Variants in HDAC5 observed in about 807,000 individuals in gnomAD.
HDAC5 encodes antigen NY-CO-9.
A neutral mutation model predicts 133.3 loss-of-function variants in HDAC5; 25 were observed. The ratio of observed to expected loss-of-function variants is 0.19; its 90% CI spans 0.14 to 0.26. The LOEUF (loss-of-function observed/expected upper bound fraction) is 0.26, where lower values mean the gene tolerates loss of function less well. Ranked by LOEUF, HDAC5 falls within the 10% of genes least tolerant of loss-of-function variation. HDAC5 has a pLI of 1.00. For missense variants in HDAC5, 1,041 were observed against 1,460.5 expected, an observed-to-expected ratio of 0.71 and a Z score of 4.68; for synonymous variants, 589 against 610.8, an observed-to-expected ratio of 0.96 and a Z score of 0.53.
At chr17:44,112,064 T>A (rs2052379459) in intron 2 of HDAC5, among the ~76,000 whole-genome samples, 1 of 152,064 alleles carries the variant, frequency 6.6e-6, no homozygotes, top group Non-Finnish European at 1.5e-5. Flanking sequence ...TCACCCTAGG[T>A]CATAAAGCTG....
At chr17:44,112,515 C>T (rs1274859067) in intron 2 of HDAC5, among the ~76,000 whole-genome samples, 1 of 152,110 alleles carries the variant, frequency 6.6e-6, no homozygotes, top group Non-Finnish European at 1.5e-5. Context: ...GAGCCCCCTC[C>T]TTGACCCCCA....
chr17:44,080,452 G>A lies in HDAC5; in HGVS notation c.2774C>T (p.Thr925Ile), dbSNP rs749663119. ...TCCAATGGGGGGGTCCACACCTCCT[G>A]TCCATGCCACGTTCACATTGTACCC... Reference protein sequence around the residue: ...GVGYNVNVAWTGGVDPPIGDV... With the variant: ...GVGYNVNVAWIGGVDPPIGDV... The change falls in exon 22 of 27, where the codon ACA becomes ATA. Residue 925 changes from threonine (T) to isoleucine (I), a missense_variant. Thr to Ile is a moderately conservative substitution (Grantham distance 89). Transcript: ENST00000682912. 13 of 1,614,142 alleles carry A rather than the reference G, an allele frequency of 8.1e-6. No individual in the cohort carries two copies. Among genetic ancestry groups the A allele is most frequent in the South Asian group, 6.6e-5 (6 of 91,082 alleles).
intron 11 of HDAC5, among the ~76,000 whole-genome samples, chr17:44,090,710 C>T (rs567259788): frequency 1.1e-3 from 170 of 151,314 alleles, no homozygotes; most frequent in African/African-American, 3.9e-3. Context: ...TTTTTTGAGA[C>T]GGAGTCTCAC....
intron 1 of HDAC5, among the ~76,000 whole-genome samples, chr17:44,122,605 T>C (rs1300105871): frequency 1.3e-5 from 2 of 152,006 alleles, no homozygotes; most frequent in African/African-American, 4.8e-5. Flanking sequence ...CAAGTGGTCA[T>C]CTCCTCTCCC....
intron 1 of HDAC5, among the ~76,000 whole-genome samples, chr17:44,118,604 TC>T (rs1295372132): frequency 6.6e-6 from 1 of 152,002 alleles, no homozygotes; most frequent in African/African-American, 2.4e-5. Context: ...CCTCCAGTTC[TC>T]CCCCACAGTT....
rs73314421 is a variant in HDAC5, at chr17:44,102,389, C to T, written c.94+8340G>A. Among the ~76,000 whole-genome samples the T allele has an allele frequency of 4.8e-3, 734 of 152,318 alleles. 5 individuals are homozygous for T. Among genetic ancestry groups the T allele is most frequent in the African/African-American group, 0.017 (703 of 41,566 alleles). On this transcript the variant is annotated intron_variant, in intron 3 of 26. Transcript: ENST00000682912. ...TTTTTCTTTTTTTCTGACAGAGTCT[C>T]GCTCTGTTGCTAGGCTGGAGTAGTG...
rs1286521857 is a variant in HDAC5, at chr17:44,117,883, G to A, written c.-189-179C>T. Among the ~76,000 whole-genome samples the A allele has an allele frequency of 6.6e-6, 1 of 152,186 alleles. No individual in the cohort carries two copies. Among genetic ancestry groups the A allele is most frequent in the Non-Finnish European group, 1.5e-5 (1 of 68,016 alleles). Reference sequence around the variant, plus strand: ...ACCCTGGTTTCTTATCTTACTAACTGATGAGGCTCCCAGAGCCCAAGGGAT... The same window carrying A: ...ACCCTGGTTTCTTATCTTACTAACTAATGAGGCTCCCAGAGCCCAAGGGAT... On this transcript the variant is annotated intron_variant, in intron 1 of 26. Transcript: ENST00000682912. This position sits in a 1 kb window ranked among gnomAD's most constrained non-coding sequence, Gnocchi z 4.2.
At chr17:44,082,694 A>AG (rs2050452874) in intron 19 of HDAC5, 22 bp from the exon 20 acceptor site, 1 of 1,612,560 alleles carries the variant, frequency 6.2e-7, no homozygotes, top group East Asian at 2.2e-5. Flanking sequence ...AGAAAAGGGC[A>AG]GGAGGTCAGC....
At chr17:44,115,548 C>G (rs552174582) in intron 2 of HDAC5, among the ~76,000 whole-genome samples, 160 of 152,308 alleles carry the variant, frequency 1.1e-3, no homozygotes, top group African/African-American at 3.6e-3. Flanking sequence ...AGACGCTAGG[C>G]CCCTCAGAAA....
chr17:44,123,239 G>A (rs968914476), intron 1 of HDAC5: 9 of 287,378 alleles, frequency 3.1e-5, no homozygotes, highest in African/African-American at 1.6e-4. Flanking sequence ...GCGAGAAGGC[G>A]GGCCCCTCCC....
intron 3 of HDAC5, among the ~76,000 whole-genome samples, chr17:44,102,186 C>T (rs550566052): frequency 6.6e-6 from 1 of 152,298 alleles, no homozygotes; most frequent in South Asian, 2.1e-4. Context: ...TGACATCTAG[C>T]CCAAGCTCCA....
At chr17:44,111,916 C>CA (rs1021639076) in intron 2 of HDAC5, among the ~76,000 whole-genome samples, 8 of 152,160 alleles carry the variant, frequency 5.3e-5, no homozygotes, top group Non-Finnish European at 7.4e-5. Flanking sequence ...TGCTAATTCT[C>CA]AGAGCACAGG....
At chr17:44,087,391 G>C (rs953220787) in intron 13 of HDAC5, 21 bp downstream of exon 13, 6 of 800,360 alleles carry the variant, frequency 7.5e-6, no homozygotes, top group Non-Finnish European at 1.3e-5. Context: ...ACCAAGGACT[G>C]GGACCAGGGA....
chr17:44,123,631 C>A lies in HDAC5; in HGVS notation c.-317G>T. On this transcript the variant is annotated 5_prime_UTR_variant, in exon 1 of 27. Transcript: ENST00000682912. ...CCTCCGGCTCCGCTCGCCGCCGCCA[C>A]CAACAACAACATTCGGAGACGTCAC... The A allele has an allele frequency of 5.0e-6, 2 of 396,674 alleles. No homozygotes were observed. Among genetic ancestry groups the A allele is most frequent in the Non-Finnish European group, 8.9e-6 (2 of 224,822 alleles). The allele number at this position is 396,674 out of a possible 1,614,324, so 24.6% of individuals were successfully genotyped here. A position where few individuals can be genotyped will look rare whatever the true frequency, so the allele number is the denominator to read the frequency against.
Position 44,077,701 on chromosome 17 carries a change from C to A in HDAC5, c.*675G>T, listed in dbSNP as rs754151197. The A allele has an allele frequency of 1.3e-5, 2 of 152,350 alleles. No individual in the cohort carries two copies. The highest frequency in any genetic ancestry group is 1.3e-4 in the Admixed American group (2 of 15,282). The allele number at this position is 152,350 out of a possible 1,614,324, so 9.4% of individuals were successfully genotyped here. ...TCCCCACACACTTTCACCCTCTCAGCCCCGGGGAAGGGGAAGTAGGCTGTG... is the reference window on the plus strand; with the variant it reads ...TCCCCACACACTTTCACCCTCTCAGACCCGGGGAAGGGGAAGTAGGCTGTG... On this transcript the variant is annotated 3_prime_UTR_variant, in exon 27 of 27. Transcript: ENST00000682912.
intron 3 of HDAC5, among the ~76,000 whole-genome samples, chr17:44,094,351 G>T (rs552978606): frequency 1.3e-4 from 20 of 150,962 alleles, no homozygotes; most frequent in Non-Finnish European, 2.5e-4. Flanking sequence ...AAACAAAAAG[G>T]GGGAGGCCGG....
At position 44,088,588 on chromosome 17, in the gene HDAC5, G is replaced by T. The variant is rs139761797; in HGVS notation, c.1398C>A (p.His466Gln). 1.2e-6 allele frequency: 2 copies of T among 1,612,600 alleles called. No homozygotes were observed. The highest frequency in any genetic ancestry group is 1.7e-6 in the Non-Finnish European group (2 of 1,179,432). ...CACCCGTCACTAGTGGGGACTGCCCGTGGAGTGGCACTACGGAGTTGGGGG... is the reference window on the plus strand; with the variant it reads ...CACCCGTCACTAGTGGGGACTGCCCTTGGAGTGGCACTACGGAGTTGGGGG... ...QQSTLIAVPL[H>Q]GQSPLVTGER... Residue 466 changes from histidine to glutamine, a missense_variant, in exon 12 of 27, where the codon CAC becomes CAA. Physicochemically the swap from His to Gln is conservative, Grantham distance 24. Around this residue, in one of 9 missense-constraint regions of HDAC5, gnomAD observed 433 missense variants for 531.6 expected, o/e 0.81. Transcript: ENST00000682912.
chr17:44,114,571 C>T (rs775293057), intron 2 of HDAC5, among the ~76,000 whole-genome samples: 29 of 152,182 alleles, frequency 1.9e-4, no homozygotes, highest in Non-Finnish European at 1.6e-4. Context: ...GGATCCTGGC[C>T]GCCTCCTCCA....
chr17:44,085,221 G>T, intron 14 of HDAC5, 66 bp from the exon 15 acceptor site: 1 of 1,467,698 alleles, frequency 6.8e-7, no homozygotes, highest in South Asian at 1.4e-5. Flanking sequence ...TGGCTACCAT[G>T]ATCCTCAGCA....
Sources: allele counts gnomAD v4.1 joint callset (sites outside exome capture counted in the v4.1 genomes callset), GRCh38; gene constraint gnomAD v4.1.1; regional missense constraint gnomAD v4.1.1; non-coding constraint Gnocchi (gnomAD v3.1); transcripts MANE v1.5; gene names NCBI Gene and HGNC (gene_info 2026-07-23, HGNC 2026-07-21).